ZFHX3: variants seen among roughly 807,000 people sequenced by gnomAD.
ZFHX3 encodes the protein zinc finger homeobox 3, also known as zinc finger homeobox protein 3.
Under a neutral mutation model 279.1 loss-of-function variants are expected in ZFHX3, and 42 were observed. The observed-to-expected ratio is 0.15, with a 90% confidence interval of 0.12 to 0.19. The LOEUF is 0.19. Among genes scored for constraint, ZFHX3 ranks in the 10% least tolerant of loss-of-function variants. The pLI is 1.00. For synonymous variants in ZFHX3, 2,293 were observed against 1,957.8 expected (o/e 1.17, Z -4.52); for missense variants, 4,981 against 4,754.0 (o/e 1.05, Z -1.40).
rs145611122 is a variant in ZFHX3, at chr16:73,642,891, G to A, written c.-1547+37289C>T. On this transcript the variant is annotated intron_variant, in intron 2 of 17. Transcript: ENST00000641206. The stretch of plus-strand genomic sequence containing the variant: ...AATGAACGTAGCTTGGAAACTCAGC[G>A]GCAAGACAGTAACAGCCCAATTCGA... 3.5e-3 allele frequency among the ~76,000 whole-genome samples: 536 copies of A among 152,272 alleles called. 4 individuals carry two copies. Among genetic ancestry groups the A allele is most frequent in the Non-Finnish European group, 4.5e-3 (309 of 68,012 alleles).
chr16:73,457,069 T>C (rs1041842867), intron 2 of ZFHX3, among the ~76,000 whole-genome samples: 2 of 152,208 alleles, frequency 1.3e-5, no homozygotes, highest in East Asian at 3.9e-4. Flanking sequence ...CCACCACATA[T>C]AGAGGGTAGC....
intron 3 of ZFHX3, among the ~76,000 whole-genome samples, chr16:73,319,987 G>A (rs1241997182): frequency 6.6e-6 from 1 of 152,208 alleles, no homozygotes; most frequent in Non-Finnish European, 1.5e-5. Context: ...TAAGGAAAGT[G>A]TGCTGTATGC....
intron 1 of ZFHX3, among the ~76,000 whole-genome samples, chr16:73,774,869 AT>A (rs1434978811): frequency 6.6e-6 from 1 of 152,098 alleles, no homozygotes; most frequent in Non-Finnish European, 1.5e-5. Flanking sequence ...CCTTGCATGA[AT>A]TGCTCCTAAT....
At chr16:73,314,640 A>T (rs748310565) in intron 4 of ZFHX3, among the ~76,000 whole-genome samples, 1 of 152,138 alleles carries the variant, frequency 6.6e-6, no homozygotes, top group Non-Finnish European at 1.5e-5. Context: ...GTAAACTCTC[A>T]AGGCAGGAAA....
At chr16:73,213,601 C>T (rs1400110495) in intron 5 of ZFHX3, among the ~76,000 whole-genome samples, 4 of 152,120 alleles carry the variant, frequency 2.6e-5, no homozygotes, top group African/African-American at 9.7e-5. Context: ...GGCTGGTCCC[C>T]GCAGTTTGGG....
At chr16:73,816,806 G>C (rs974176950) in intron 1 of ZFHX3, among the ~76,000 whole-genome samples, 5 of 152,190 alleles carry the variant, frequency 3.3e-5, no homozygotes, top group Admixed American at 1.3e-4. Context: ...TTGAGAGTAG[G>C]CACAAGCCAG....
At chr16:73,699,234 G>C (rs1456050072) in intron 1 of ZFHX3, among the ~76,000 whole-genome samples, 2 of 152,172 alleles carry the variant, frequency 1.3e-5, no homozygotes, top group Non-Finnish European at 2.9e-5. Context: ...AAGATATCGA[G>C]AGGAAGCTGA....
intron 2 of ZFHX3, among the ~76,000 whole-genome samples, chr16:73,558,807 G>T (rs2143785035): frequency 6.7e-6 from 1 of 150,268 alleles, no homozygotes; most frequent in South Asian, 2.1e-4. Context: ...CTGCCACCTG[G>T]GTTCAGGTGA....
intron 2 of ZFHX3, among the ~76,000 whole-genome samples, chr16:73,670,752 C>G (rs2052896679): frequency 6.6e-6 from 1 of 152,190 alleles, no homozygotes; most frequent in South Asian, 2.1e-4. Context: ...TTGCAAATGA[C>G]TCTTTTTTCC....
At chr16:73,149,179 C>T (rs1243612215) in intron 5 of ZFHX3, among the ~76,000 whole-genome samples, 1 of 139,536 alleles carries the variant, frequency 7.2e-6, no homozygotes, top group South Asian at 2.3e-4. Flanking sequence ...TAATAAATGC[C>T]AATATATTTT....
intron 7 of ZFHX3, among the ~76,000 whole-genome samples, chr16:73,129,707 C>CATGTGT (rs1432491936): frequency 7.4e-6 from 1 of 135,562 alleles, no homozygotes; most frequent in African/African-American, 2.8e-5. Flanking sequence ...CATGTGTGTG[C>CATGTGT]ATGTGTATGT....
chr16:73,548,989 T>C lies in ZFHX3; in HGVS notation c.-1546-92731A>G, dbSNP rs77270002. ...GAAAACAGGCATTTGTTTTTGTTTT[T>C]CTTTTAAAAAAATGTATATGCAATT... On this transcript the variant is annotated intron_variant, in intron 2 of 17. Coordinates refer to the ZFHX3 transcript ENST00000641206. Among the ~76,000 whole-genome samples the C allele has an allele frequency of 4.1e-3, 625 of 152,316 alleles. 3 individuals carry two copies. The highest frequency in any genetic ancestry group is 6.8e-3 in the Middle Eastern group (2 of 294).
chr16:73,860,378 C>T (rs1961849662), intron 1 of ZFHX3, among the ~76,000 whole-genome samples: 1 of 150,596 alleles, frequency 6.6e-6, no homozygotes. Context: ...CCTTGTTTTT[C>T]ATTCCCTTAC....
intron 2 of ZFHX3, among the ~76,000 whole-genome samples, chr16:73,547,183 G>A (rs2020131329): frequency 6.6e-6 from 1 of 151,994 alleles, no homozygotes; most frequent in South Asian, 2.1e-4. Flanking sequence ...TAGGGTACAT[G>A]CCCCATTTCC....
chr16:73,105,288 CACAT>C lies in ZFHX3; in HGVS notation c.-896-11694_-896-11691del, dbSNP rs562306281. ...ATATATATATACACACACAGACACA[CACAT>C]ACATATATATACATATATATACACA... On this transcript the variant is annotated intron_variant, in intron 7 of 17. Transcript: ENST00000641206. 2.1e-4 allele frequency among the ~76,000 whole-genome samples: 31 copies of C among 148,914 alleles called. No homozygotes were observed. The South Asian group carries it at 4.4e-3, about 21-fold the overall frequency.
At chr16:73,723,052 A>G (rs2053489283) in intron 1 of ZFHX3, among the ~76,000 whole-genome samples, 1 of 152,192 alleles carries the variant, frequency 6.6e-6, no homozygotes. Context: ...TCTCCTTTCC[A>G]TTAATGAGAC....
At chr16:73,305,737 C>T (rs927989364) in intron 4 of ZFHX3, among the ~76,000 whole-genome samples, 6 of 152,036 alleles carry the variant, frequency 3.9e-5, no homozygotes, top group Admixed American at 6.6e-5. Context: ...ATATCCATTA[C>T]GGTGGGCGAG....
At chr16:73,457,337 C>G (rs527417417) in intron 2 of ZFHX3, among the ~76,000 whole-genome samples, 20 of 152,294 alleles carry the variant, frequency 1.3e-4, no homozygotes, top group African/African-American at 4.8e-4. Flanking sequence ...ACAGTTTCCC[C>G]CATCGGTGGC....
chr16:72,804,799 A>T (rs1010649001), intron 7 of ZFHX3, among the ~76,000 whole-genome samples: 3 of 152,074 alleles, frequency 2.0e-5, no homozygotes, highest in African/African-American at 7.2e-5. Flanking sequence ...CCTGCAGGTC[A>T]CAGATGTGGA....
Sources: allele counts gnomAD v4.1 joint callset (sites outside exome capture counted in the v4.1 genomes callset), GRCh38; gene constraint gnomAD v4.1.1; transcripts MANE v1.5; gene names NCBI Gene and HGNC (gene_info 2026-07-23, HGNC 2026-07-21).